The following ERC1 variants were observed in gnomAD, a reference collection of about 807,000 sequenced individuals.
ERC1 encodes RAB6 interacting protein 2.
In ERC1, 56 loss-of-function variants were observed where a neutral mutation model predicts 132.0. That is an observed-to-expected ratio of 0.42 (90% CI 0.34 to 0.53). The LOEUF (loss-of-function observed/expected upper bound fraction) is 0.53. ERC1 is among the 20% of genes least tolerant of loss of function. ERC1 has a pLI of 0.03. For missense variants in ERC1, 1,202 were observed against 1,349.9 expected, an observed-to-expected ratio of 0.89 and a Z score of 1.72; for synonymous variants, 478 against 476.1, an observed-to-expected ratio of 1.00 and a Z score of -0.05.
At chr12:1,104,684 C>A in intron 3 of ERC1, 66 bp from the exon 4 acceptor site, 1 of 1,139,518 alleles carries the variant, frequency 8.8e-7, no homozygotes, top group Non-Finnish European at 1.3e-6. Context: ...TCGGCTCTCA[C>A]TCCTCTTTGA....
At position 1,449,573 on chromosome 12, in the gene ERC1, C is replaced by T. The variant is rs1162621846; in HGVS notation, c.3213+4823C>T. Among the ~76,000 whole-genome samples, 8 of 152,224 alleles carry T rather than the reference C, an allele frequency of 5.3e-5. No individual in the cohort carries two copies. In the East Asian group the frequency reaches 1.5e-3, roughly 29 times the overall value. On this transcript the variant is annotated intron_variant, in intron 18 of 18. Coordinates refer to ENST00000360905, the MANE Select transcript of ERC1 (RefSeq NM_178040.4). The stretch of plus-strand genomic sequence containing the variant: ...CTCCTGCCACCATGATTGTAAGTTT[C>T]CTGAGGCCTCCCCAGCCATGCAGAA...
chr12:1,077,741 G>C (rs1941575852), intron 2 of ERC1, among the ~76,000 whole-genome samples: 1 of 152,094 alleles, frequency 6.6e-6, no homozygotes, highest in South Asian at 2.1e-4. Context: ...ATCTGTTTTT[G>C]GTTGATCATT....
At chr12:1,290,910 T>C (rs1007448304) in intron 15 of ERC1, among the ~76,000 whole-genome samples, 3 of 152,234 alleles carry the variant, frequency 2.0e-5, no homozygotes, top group African/African-American at 7.2e-5. Flanking sequence ...AGCCTTTCAC[T>C]GTCAGTTCTT....
chr12:1,097,429 T>C (rs1208622997), intron 3 of ERC1, among the ~76,000 whole-genome samples: 1 of 152,220 alleles, frequency 6.6e-6, no homozygotes, highest in Non-Finnish European at 1.5e-5. Context: ...ACATCAGCTC[T>C]ACTCCTAAGC....
At chr12:1,008,664 G>A (rs745584481) in intron 1 of ERC1, among the ~76,000 whole-genome samples, 3 of 151,724 alleles carry the variant, frequency 2.0e-5, no homozygotes, top group Non-Finnish European at 2.9e-5. Flanking sequence ...TTGTTCTTTC[G>A]TTATTTTCAA....
chr12:1,259,766 A>G (rs957686407), intron 13 of ERC1, among the ~76,000 whole-genome samples: 3 of 151,438 alleles, frequency 2.0e-5, no homozygotes, highest in African/African-American at 7.3e-5. Context: ...CTCGTGATCC[A>G]CCCGCCTTGG....
intron 12 of ERC1, among the ~76,000 whole-genome samples, chr12:1,205,393 A>ATC (rs1196165255): frequency 6.8e-6 from 1 of 146,012 alleles, no homozygotes; most frequent in Non-Finnish European, 1.5e-5. Flanking sequence ...ATATATATAT[A>ATC]TATCTGTGTG....
intron 2 of ERC1, among the ~76,000 whole-genome samples, chr12:1,063,198 G>C (rs1938384016): frequency 6.6e-6 from 1 of 152,070 alleles, no homozygotes. Flanking sequence ...CTCCCAAGTA[G>C]CTGGGGATTA....
chr12:1,027,689 T>C (rs2154149929), intron 1 of ERC1, 59 bp from the exon 2 acceptor site: 1 of 544,104 alleles, frequency 1.8e-6, no homozygotes, highest in Admixed American at 3.2e-5. Context: ...TAATGGAAAG[T>C]CTCTGAGAAG....
At chr12:1,465,308 C>T (rs916132346) in intron 18 of ERC1, among the ~76,000 whole-genome samples, 1 of 152,216 alleles carries the variant, frequency 6.6e-6, no homozygotes, top group Admixed American at 6.5e-5. Flanking sequence ...CCGGTCAGAG[C>T]ATCTGAAATA....
intron 16 of ERC1, chr12:1,381,295 A>G (rs939473341): frequency 1.3e-5 from 2 of 152,210 alleles, no homozygotes; most frequent in Non-Finnish European, 2.9e-5. Flanking sequence ...AATTCCGAGA[A>G]AAACAGAAGA....
In ERC1 at chr12:1,016,888, T is replaced by C. The variant is rs11064641; in HGVS notation, c.-156-10860T>C. ...CTGGTCTCAAACTCCTGACCTCAAGTGATCTGCCTGCCTTGGCCTCCCAAA... is the reference window on the plus strand; with the variant it reads ...CTGGTCTCAAACTCCTGACCTCAAGCGATCTGCCTGCCTTGGCCTCCCAAA... On this transcript the variant is annotated intron_variant, in intron 1 of 18. Coordinates refer to ENST00000360905, the MANE Select transcript of ERC1 (RefSeq NM_178040.4). Among the ~76,000 whole-genome samples, 62 of 152,260 alleles carry C rather than the reference T, an allele frequency of 4.1e-4. 2 individuals carry two copies. The East Asian group carries it at 0.011, about 27-fold the overall frequency.
intron 17 of ERC1, among the ~76,000 whole-genome samples, chr12:1,418,862 A>G (rs984054587): frequency 1.3e-5 from 2 of 151,744 alleles, no homozygotes; most frequent in Non-Finnish European, 2.9e-5. Flanking sequence ...ACACGCGTGT[A>G]CCACCATGCC....
intron 17 of ERC1, among the ~76,000 whole-genome samples, chr12:1,409,858 GCCAC>G (rs1200678303): frequency 1.3e-5 from 2 of 152,022 alleles, no homozygotes; most frequent in Non-Finnish European, 2.9e-5. Context: ...ACAGGCACCT[GCCAC>G]CATGCCTGGC....
intron 17 of ERC1, among the ~76,000 whole-genome samples, chr12:1,438,952 A>T (rs75464217): frequency 0.02 from 2,274 of 114,944 alleles, 80 homozygotes; most frequent in African/African-American, 0.081. Context: ...AATTTAAAAA[A>T]AAATATATAT....
At chr12:996,889 T>C (rs1254450698) in intron 1 of ERC1, among the ~76,000 whole-genome samples, 1 of 152,194 alleles carries the variant, frequency 6.6e-6, no homozygotes, top group African/African-American at 2.4e-5. Flanking sequence ...ATAAGAAACA[T>C]TTTATCTTCC....
intron 7 of ERC1, among the ~76,000 whole-genome samples, chr12:1,126,067 T>G (rs1948128307): frequency 6.6e-6 from 1 of 152,200 alleles, no homozygotes; most frequent in South Asian, 2.1e-4. Flanking sequence ...TGCACAACAG[T>G]GTGAATATAC....
At chr12:1,332,649 C>G (rs947378561) in intron 15 of ERC1, among the ~76,000 whole-genome samples, 10 of 152,006 alleles carry the variant, frequency 6.6e-5, no homozygotes, top group African/African-American at 2.4e-4. Flanking sequence ...GATCCACTGT[C>G]AGGTTGGAGG....
rs1363470411 is a variant in ERC1 at position 1,314,079 on chromosome 12, C to T, written c.2780+24067C>T. 2.6e-5 allele frequency among the ~76,000 whole-genome samples: 4 copies of T among 152,190 alleles called. No individual in the cohort carries two copies. In the East Asian group the frequency reaches 7.7e-4, roughly 29 times the overall value. On this transcript the variant is annotated intron_variant, in intron 15 of 18. Coordinates refer to ENST00000360905, the MANE Select transcript of ERC1 (RefSeq NM_178040.4). Reference sequence around the variant, plus strand: ...AGTCTATGTTGCTGACATGCTAACCCACATCCTGTCTACTTCATCAGTATT... The same window carrying T: ...AGTCTATGTTGCTGACATGCTAACCTACATCCTGTCTACTTCATCAGTATT...
Sources: allele counts gnomAD v4.1 joint callset (sites outside exome capture counted in the v4.1 genomes callset), GRCh38; gene constraint gnomAD v4.1.1; transcripts MANE v1.5; gene names NCBI Gene and HGNC (gene_info 2026-07-23, HGNC 2026-07-21).